Variants in GCNT3 observed in about 807,000 individuals in gnomAD.
GCNT3 encodes beta-1,3-galactosyl-O-glycosyl-glycoprotein beta-1,6-N-acetylglucosaminyltransferase 3.
For missense variants in GCNT3, 708 were observed against 530.3 expected (o/e 1.34, Z -3.29); for synonymous variants, 269 against 195.2 (o/e 1.38, Z -3.15).
At chr15:59,616,946 A>G (rs2082722201) in intron 2 of GCNT3, 65 bp downstream of exon 2, 1 of 152,148 alleles carries the variant, frequency 6.6e-6, no homozygotes, top group African/African-American at 2.4e-5. Context: ...ATTACTAAAG[A>G]GAATACATTC....
intron 1 of GCNT3, among the ~76,000 whole-genome samples, chr15:59,613,928 G>T (rs2414640): frequency 0.67 from 102,024 of 151,874 alleles, 35,667 homozygotes; most frequent in Non-Finnish European, 0.8. Flanking sequence ...AAGGTGGAAG[G>T]ATGGCTTGAA....
Position 59,618,620 on chromosome 15 carries a change from G to A in GCNT3, c.382G>A (p.Glu128Lys), listed in dbSNP as rs1472774636. The A allele has an allele frequency of 3.7e-6, 6 of 1,614,146 alleles. No individual in the cohort carries two copies. Among genetic ancestry groups the A allele is most frequent in the Middle Eastern group, 1.7e-4 (1 of 6,060 alleles). Residue 128 changes from glutamate (E) to lysine (K), a missense_variant, in exon 3 of 3, where the codon GAG becomes AAG. Transcript: ENST00000396065. ...KFIQFPLSKE[E>K]VEFPIAYSMV... ...CATACAGTTCCCACTGAGCAAAGAA[G>A]AGGTGGAGTTCCCTATTGCATACTC... is the stretch of plus-strand genomic sequence containing the variant.
intron 2 of GCNT3, 76 bp downstream of exon 2, chr15:59,616,957 T>G (rs1303105245): frequency 6.6e-6 from 1 of 152,174 alleles, no homozygotes; most frequent in East Asian, 1.9e-4. Context: ...GAATACATTC[T>G]TGTGTTTAGG....
chr15:59,613,159 T>C (rs2082703812), intron 1 of GCNT3, among the ~76,000 whole-genome samples: 2 of 152,080 alleles, frequency 1.3e-5, no homozygotes, highest in South Asian at 4.1e-4. Flanking sequence ...TAGCATTAGC[T>C]TCTATTATGC....
rs2082743351 is a variant in GCNT3 at position 59,620,621 on chromosome 15, T to C, written c.*1066T>C. The C allele has an allele frequency of 6.0e-6, 1 of 167,044 alleles. No homozygotes were observed. The highest frequency in any genetic ancestry group is 2.1e-4 in the South Asian group (1 of 4,822). The allele number at this position is 167,044 out of a possible 1,614,324, so 10.3% of individuals were successfully genotyped here. A position where few individuals can be genotyped will look rare whatever the true frequency, so the allele number is the denominator to read the frequency against. On this transcript the variant is annotated 3_prime_UTR_variant, in exon 3 of 3. Transcript: ENST00000396065. ...AGTTTGACCACCTTTCCTGTACTCT[T>C]ACAGGAAAATCGCAGCACTAATTCT... is the stretch of plus-strand genomic sequence containing the variant.
rs555465014 is a variant in GCNT3 at position 59,618,773 on chromosome 15, A to G, written c.535A>G (p.Ile179Val). ...AACTTTCAAAGAGGCGGTCAAAGCA[A>G]TTATTTCTTGCTTCCCAAATGTCTT... ...PETFKEAVKA[I>V]ISCFPNVFIA... is the part of the protein sequence containing the mutation. Residue 179 changes from isoleucine (I) to valine (V), a missense_variant, in exon 3 of 3, where the codon ATT (isoleucine) becomes GTT (valine). Transcript: ENST00000396065. The G allele has an allele frequency of 3.7e-6, 6 of 1,614,188 alleles. No homozygotes were observed. The Admixed American group carries it at 6.7e-5, about 18-fold the overall frequency.
intron 2 of GCNT3, among the ~76,000 whole-genome samples, chr15:59,617,401 GT>G (rs2082724837): frequency 6.6e-6 from 1 of 151,904 alleles, no homozygotes; most frequent in Non-Finnish European, 1.5e-5. Flanking sequence ...TATTTGGCAA[GT>G]TATTTAGCTT....
In GCNT3 at chr15:59,620,948, A is replaced by ATCTTGGC. The variant is rs1890916716; in HGVS notation, c.*1396_*1402dup. On this transcript the variant is annotated 3_prime_UTR_variant, in exon 3 of 3. Transcript: ENST00000396065. Reference sequence around the variant, plus strand: ...GCCCAGGCTGGAGTGCAGTGGCATGATCTTGGCTCACTGAAGCCTCTGCCT... The same window carrying ATCTTGGC: ...GCCCAGGCTGGAGTGCAGTGGCATGATCTTGGCTCTTGGCTCACTGAAGCCTCTGCCT... 1 of 120,440 alleles carries ATCTTGGC rather than the reference A, an allele frequency of 8.3e-6. No individual in the cohort carries two copies. Among genetic ancestry groups the ATCTTGGC allele is most frequent in the Admixed American group, 1.2e-4 (1 of 8,212 alleles). The allele number at this position is 120,440 out of a possible 1,614,324, so 7.5% of individuals were successfully genotyped here. A position where few individuals can be genotyped will look rare whatever the true frequency, so the allele number is the denominator to read the frequency against.
At chr15:59,612,808 C>A (rs973574798) in intron 1 of GCNT3, among the ~76,000 whole-genome samples, 13 of 152,138 alleles carry the variant, frequency 8.5e-5, no homozygotes, top group African/African-American at 2.2e-4. Context: ...CCTGTACCTC[C>A]CTGGGGTCAG....
chr15:59,619,073 ACCAACAAGAAGAAGGATCCTCCC>A lies in GCNT3; in HGVS notation c.838_860del (p.Asn280LeufsTer2). On this transcript the variant is annotated frameshift_variant, in exon 3 of 3. Transcript: ENST00000396065. LOFTEE classifies it low-confidence loss of function (END_TRUNC). ...GGTAGTGAGAGACACATTACACCTA[ACCAACAAGAAGAAGGATCCTCCC>A]CCTTATAATTTAACTATGTTTACAG... 1 of 1,614,106 alleles carries A rather than the reference ACCAACAAGAAGAAGGATCCTCCC, an allele frequency of 6.2e-7. No individual in the cohort carries two copies. The highest frequency in any genetic ancestry group is 8.5e-7 in the Non-Finnish European group (1 of 1,179,982).
rs1374680418 is a variant in GCNT3 at position 59,618,174 on chromosome 15, C to G, written c.-60-5C>G. ...TGTAACTGGAGGCATTTTGTTCTGT[C>G]CAAGGATTGTGTCCTCCTCCACCTT... On this transcript the variant is annotated splice_polypyrimidine_tract_variant and splice_region_variant and intron_variant, in intron 2 of 2. Transcript: ENST00000396065. 6 of 890,458 alleles carry G rather than the reference C, an allele frequency of 6.7e-6. No homozygotes were observed. The East Asian group carries it at 7.3e-5, about 11-fold the overall frequency. 55.2% of individuals were successfully genotyped at this position (890,458 alleles called of 1,614,324 possible).
Position 59,619,779 on chromosome 15 carries a change from CACTAACTTTCTCACTA to C in GCNT3, c.*226_*241del. 2.2e-6 allele frequency: 1 copy of C among 451,706 alleles called. No homozygotes were observed. Among genetic ancestry groups the C allele is most frequent in the Admixed American group, 3.7e-5 (1 of 26,712 alleles). 28.0% of individuals were successfully genotyped at this position (451,706 alleles called of 1,614,324 possible). The stretch of plus-strand genomic sequence containing the variant: ...TCACCCCTAACCCTAGTAGTTCCTC[CACTAACTTTCTCACTA>C]AGTGAGAATGAGAACTGCTGTGATA... On this transcript the variant is annotated 3_prime_UTR_variant, in exon 3 of 3. Coordinates refer to ENST00000396065, the MANE Select transcript of GCNT3 (RefSeq NM_004751.3).
In GCNT3 at chr15:59,619,650, T is replaced by C; in HGVS notation, c.*95T>C. ...CAGTGTGGGTGGGAGACCAGGGCTTTGCAATTCGTGGCATCCTTTAGGATA... is the reference window on the plus strand; with the variant it reads ...CAGTGTGGGTGGGAGACCAGGGCTTCGCAATTCGTGGCATCCTTTAGGATA... On this transcript the variant is annotated 3_prime_UTR_variant, in exon 3 of 3. Coordinates refer to ENST00000396065, the MANE Select transcript of GCNT3 (RefSeq NM_004751.3). The C allele has an allele frequency of 1.3e-6, 1 of 783,382 alleles. No homozygotes were observed. The highest frequency in any genetic ancestry group is 2.5e-5 in the East Asian group (1 of 40,688). 48.5% of individuals were successfully genotyped at this position (783,382 alleles called of 1,614,324 possible).
chr15:59,620,687 A>G lies in GCNT3; in HGVS notation c.*1132A>G, dbSNP rs1013213992. On this transcript the variant is annotated 3_prime_UTR_variant, in exon 3 of 3. Coordinates refer to ENST00000396065, the MANE Select transcript of GCNT3 (RefSeq NM_004751.3). ...ACAGCCAAAGCTTAGCTAATGTTCCATAAAGGAGATAATAGCCAATCAGGT... is the reference window on the plus strand; with the variant it reads ...ACAGCCAAAGCTTAGCTAATGTTCCGTAAAGGAGATAATAGCCAATCAGGT... The G allele has an allele frequency of 1.8e-5, 3 of 167,066 alleles. No individual in the cohort carries two copies. Among genetic ancestry groups the G allele is most frequent in the Non-Finnish European group, 4.4e-5 (3 of 68,110 alleles). 10.3% of individuals were successfully genotyped at this position (167,066 alleles called of 1,614,324 possible).
intron 2 of GCNT3, chr15:59,617,929 G>A (rs1009465449): frequency 4.6e-6 from 1 of 218,102 alleles, no homozygotes; most frequent in Non-Finnish European, 9.1e-6. Context: ...CTCCATGGCA[G>A]CAGGTGCTCA....
intron 2 of GCNT3, 47 bp downstream of exon 2, chr15:59,616,928 T>G (rs1169218727): frequency 6.6e-6 from 1 of 152,092 alleles, no homozygotes; most frequent in Non-Finnish European, 1.5e-5. Flanking sequence ...TAGATTCCCA[T>G]AAAAGCTATT....
Position 59,618,784 on chromosome 15 carries a change from C to T in GCNT3, c.546C>T (p.Cys182=), listed in dbSNP as rs146888471. Residue 182 remains cysteine, a synonymous_variant, in exon 3 of 3, where the codon TGC becomes TGT. Coordinates refer to ENST00000396065, the MANE Select transcript of GCNT3 (RefSeq NM_004751.3). ...AGGCGGTCAAAGCAATTATTTCTTG[C>T]TTCCCAAATGTCTTCATAGCCAGTA... ...FKEAVKAIIS[C]FPNVFIASKL... 7.4e-6 allele frequency: 12 copies of T among 1,614,098 alleles called. No individual in the cohort carries two copies. The highest frequency in any genetic ancestry group is 1.0e-5 in the Non-Finnish European group (12 of 1,180,050).
Position 59,618,973 on chromosome 15 carries a change from G to A in GCNT3, c.735G>A (p.Met245Ile), listed in dbSNP as rs779381711. The part of the protein sequence containing the change: ...SNAEMVQALK[M>I]LNGRNSMESE... Reference sequence around the variant, plus strand: ...CAGAGATGGTCCAGGCTCTCAAGATGTTGAATGGGAGGAATAGCATGGAGT... The same window carrying A: ...CAGAGATGGTCCAGGCTCTCAAGATATTGAATGGGAGGAATAGCATGGAGT... Residue 245 changes from methionine (M) to isoleucine (I), a missense_variant, in exon 3 of 3, where the codon ATG becomes ATA. Coordinates refer to ENST00000396065, the MANE Select transcript of GCNT3 (RefSeq NM_004751.3). 3.7e-6 allele frequency: 6 copies of A among 1,614,028 alleles called. No homozygotes were observed. Among genetic ancestry groups the A allele is most frequent in the Non-Finnish European group, 5.1e-6 (6 of 1,180,024 alleles).
chr15:59,618,350 G>T lies in GCNT3; in HGVS notation c.112G>T (p.Asp38Tyr). Residue 38 changes from aspartate to tyrosine, a missense_variant, in exon 3 of 3, where the codon GAC (aspartate) becomes TAC (tyrosine). By Grantham distance (160) the Asp-to-Tyr change is radical. Transcript: ENST00000396065. The stretch of plus-strand genomic sequence containing the variant: ...TTCTTTCAGGTTGAAGTGTGACTCT[G>T]ACCACTTGGGTCTGGAGTCCAGGGA... Reference protein sequence around the residue: ...KLSFRLKCDSDHLGLESRESQ... With the variant: ...KLSFRLKCDSYHLGLESRESQ... 1 of 1,613,726 alleles carries T rather than the reference G, an allele frequency of 6.2e-7. No homozygotes were observed. The highest frequency in any genetic ancestry group is 1.1e-5 in the South Asian group (1 of 91,052).
Sources: gnomAD v4.1 joint callset for allele counts (sites outside exome capture counted in the v4.1 genomes callset) on GRCh38, gnomAD v4.1.1 for gene constraint, MANE v1.5 for transcripts, NCBI Gene and HGNC (gene_info 2026-07-23, HGNC 2026-07-21) for gene names.